The following TBC1D5 variants were observed in gnomAD, a reference collection of about 807,000 sequenced individuals.
The protein encoded by TBC1D5 is TBC1 domain family, member 5.
Under a neutral mutation model 100.3 loss-of-function variants are expected in TBC1D5, and 75 were observed. That is an observed-to-expected ratio of 0.75 (90% CI 0.62 to 0.91). The LOEUF is 0.91. TBC1D5 is among the 40% of genes least tolerant of loss of function. The pLI is 0.00. For synonymous variants in TBC1D5, 323 were observed against 325.6 expected, an observed-to-expected ratio of 0.99 and a Z score of 0.09; for missense variants, 910 against 942.4, an observed-to-expected ratio of 0.97 and a Z score of 0.45.
chr3:17,566,631 G>A (rs79513975), intron 2 of TBC1D5, among the ~76,000 whole-genome samples: 2,290 of 151,768 alleles, frequency 0.015, 21 homozygotes, highest in Non-Finnish European at 0.024. Context: ...TAAACTACCT[G>A]CAACTAAAAG....
At chr3:17,533,929 C>T (rs1490420278) in intron 2 of TBC1D5, among the ~76,000 whole-genome samples, 1 of 140,990 alleles carries the variant, frequency 7.1e-6, no homozygotes, top group African/African-American at 2.9e-5. Flanking sequence ...TCATATTGAA[C>T]CTTCAAAGAA....
intron 2 of TBC1D5, among the ~76,000 whole-genome samples, chr3:17,565,268 G>A (rs553840909): frequency 3.3e-5 from 5 of 152,226 alleles, no homozygotes; most frequent in African/African-American, 1.2e-4. Flanking sequence ...AACAGTTTTT[G>A]AGTACTATGT....
intron 16 of TBC1D5, among the ~76,000 whole-genome samples, chr3:17,255,810 G>A (rs1186087009): frequency 1.3e-5 from 2 of 152,140 alleles, no homozygotes; most frequent in African/African-American, 2.4e-5. Context: ...AGGCTGAGGT[G>A]GGCAGATCAC....
chr3:17,284,265 C>T (rs1382528266), intron 15 of TBC1D5, among the ~76,000 whole-genome samples: 1 of 152,062 alleles, frequency 6.6e-6, no homozygotes, highest in African/African-American at 2.4e-5. Context: ...TTACAGGCCC[C>T]TGCCACCATG....
intron 14 of TBC1D5, among the ~76,000 whole-genome samples, chr3:17,302,598 T>C (rs1300963540): frequency 6.6e-6 from 1 of 152,112 alleles, no homozygotes; most frequent in Non-Finnish European, 1.5e-5. Flanking sequence ...GAGAAACTGA[T>C]GAAAACTATA....
rs1263594429 is a variant in TBC1D5, at chr3:17,550,507, AAC to A, written c.-35-41904_-35-41903del. 4.6e-5 allele frequency among the ~76,000 whole-genome samples: 7 copies of A among 152,140 alleles called. No individual in the cohort carries two copies. The East Asian group carries it at 1.2e-3, about 25-fold the overall frequency. Reference sequence around the variant, plus strand: ...GACTCAATAAATATTTGAAATTTAAAACACAGGGTACACACACAAAGTTAAAA... The same window carrying A: ...GACTCAATAAATATTTGAAATTTAAAACAGGGTACACACACAAAGTTAAAA... On this transcript the variant is annotated intron_variant, in intron 2 of 21. Coordinates refer to ENST00000253692, the Ensembl canonical transcript of TBC1D5.
intron 8 of TBC1D5, among the ~76,000 whole-genome samples, chr3:17,393,333 C>A (rs1214311687): frequency 6.6e-6 from 1 of 151,924 alleles, no homozygotes. Context: ...AGGACACAAA[C>A]AAATGGAAAA....
intron 1 of TBC1D5, among the ~76,000 whole-genome samples, chr3:17,721,708 T>C (rs2075722896): frequency 6.8e-6 from 1 of 147,820 alleles, no homozygotes; most frequent in Non-Finnish European, 1.5e-5. Flanking sequence ...TGGCTGGGCA[T>C]GGTGGCTCAC....
chr3:17,183,589 T>C (rs2068689959), intron 19 of TBC1D5, among the ~76,000 whole-genome samples: 1 of 152,150 alleles, frequency 6.6e-6, no homozygotes, highest in African/African-American at 2.4e-5. Flanking sequence ...TCTCCTGCTG[T>C]TTTTCCCTCT....
chr3:17,406,575 T>G, intron 4 of TBC1D5, 49 bp from the exon 5 acceptor site: 1 of 1,532,580 alleles, frequency 6.5e-7, no homozygotes, highest in Non-Finnish European at 8.9e-7. Context: ...AAAATTCCTC[T>G]GCTTGGAGAG....
intron 1 of TBC1D5, among the ~76,000 whole-genome samples, chr3:17,708,737 C>T (rs1346175148): frequency 1.3e-5 from 2 of 152,216 alleles, no homozygotes. Context: ...GATATATTTT[C>T]CATTCTACCG....
chr3:17,303,557 T>G (rs1324499322), intron 14 of TBC1D5, among the ~76,000 whole-genome samples: 1 of 152,178 alleles, frequency 6.6e-6, no homozygotes, highest in African/African-American at 2.4e-5. Context: ...TCCCTTGGTC[T>G]TCAAGAGACT....
At position 17,639,012 on chromosome 3, in the gene TBC1D5, G is replaced by A. The variant is rs1016814639; in HGVS notation, c.-100-15099C>T. Among the ~76,000 whole-genome samples, 11 of 151,996 alleles carry A rather than the reference G, an allele frequency of 7.2e-5. 1 individual carries two copies. The South Asian group carries it at 2.3e-3, about 32-fold the overall frequency. Reference sequence around the variant, plus strand: ...ATATGACATACCAATCCCACTCTTAGGTATCTACCCAAGGGAAATGAAAAG... The same window carrying A: ...ATATGACATACCAATCCCACTCTTAAGTATCTACCCAAGGGAAATGAAAAG... On this transcript the variant is annotated intron_variant, in intron 1 of 21. Transcript: ENST00000253692.
exon 22 of TBC1D5, chr3:17,157,735 T>C (rs776415095): frequency 3.9e-5 from 6 of 152,230 alleles, no homozygotes; most frequent in Admixed American, 2.0e-4. Context: ...ACAAAAATAA[T>C]GTGCATCAAC....
At chr3:17,564,680 C>G (rs933869436) in intron 2 of TBC1D5, among the ~76,000 whole-genome samples, 1 of 152,094 alleles carries the variant, frequency 6.6e-6, no homozygotes, top group East Asian at 1.9e-4. Context: ...TATGCCCCAC[C>G]ACTACTGCTG....
At chr3:17,605,235 C>G (rs1051400693) in intron 2 of TBC1D5, among the ~76,000 whole-genome samples, 2 of 152,122 alleles carry the variant, frequency 1.3e-5, no homozygotes, top group African/African-American at 4.8e-5. Flanking sequence ...TTAAAGGAGT[C>G]AAGCTCCTAA....
chr3:17,367,556 G>T (rs1251132299), intron 13 of TBC1D5, among the ~76,000 whole-genome samples: 1 of 152,018 alleles, frequency 6.6e-6, no homozygotes, highest in Non-Finnish European at 1.5e-5. Flanking sequence ...GCAAACAAAA[G>T]ACAACTCAAT....
chr3:17,369,056 TGA>T (rs910223539), intron 13 of TBC1D5, among the ~76,000 whole-genome samples: 4 of 152,188 alleles, frequency 2.6e-5, no homozygotes, highest in Admixed American at 2.6e-4. Context: ...TTCATTTCCA[TGA>T]GATACAAAAC....
chr3:17,631,498 C>T lies in TBC1D5; in HGVS notation c.-100-7585G>A, dbSNP rs6800330. ...CTGAATAACAGATATTCAATGTAGA[C>T]GAAACAATATACAGTATCTTCTTTC... On this transcript the variant is annotated intron_variant, in intron 1 of 21. Coordinates refer to ENST00000253692, the Ensembl canonical transcript of TBC1D5. Among the ~76,000 whole-genome samples the T allele has an allele frequency of 9.7e-4, 147 of 152,146 alleles. 1 individual carries two copies. The highest frequency in any genetic ancestry group is 3.3e-3 in the African/African-American group (137 of 41,496).
Sources: allele counts gnomAD v4.1 joint callset (sites outside exome capture counted in the v4.1 genomes callset), GRCh38; gene constraint gnomAD v4.1.1; transcripts MANE v1.5; gene names NCBI Gene and HGNC (gene_info 2026-07-23, HGNC 2026-07-21).